The following ABCA13 variants were observed in gnomAD, a reference collection of about 807,000 sequenced individuals.
The protein encoded by ABCA13 is ATP-binding cassette sub-family A member 13.
A neutral mutation model predicts 478.7 loss-of-function variants in ABCA13; 476 were observed. That is an observed-to-expected ratio of 0.99 (90% CI 0.92 to 1.07). ABCA13 has a LOEUF of 1.07. Ranked by LOEUF, ABCA13 falls within the 50% of genes least tolerant of loss-of-function variation. ABCA13 has a pLI of 0.00. For synonymous variants in ABCA13, 2,252 were observed against 2,158.9 expected (o/e 1.04, Z -1.20); for missense variants, 6,060 against 5,910.6 (o/e 1.03, Z -0.83).
chr7:48,330,477 A>ATCCATCCG (rs1356478120), intron 27 of ABCA13, among the ~76,000 whole-genome samples: 1 of 128,408 alleles, frequency 7.8e-6, no homozygotes, highest in African/African-American at 3.0e-5. Flanking sequence ...CTGTTTGTCC[A>ATCCATCCG]TCCATCCGTC....
chr7:48,264,320 T>C (rs1035545583), intron 15 of ABCA13, among the ~76,000 whole-genome samples: 4 of 151,932 alleles, frequency 2.6e-5, no homozygotes, highest in Admixed American at 6.6e-5. Flanking sequence ...GTTTTGATTA[T>C]GTGGGAGTTG....
intron 23 of ABCA13, among the ~76,000 whole-genome samples, chr7:48,299,121 A>T (rs1393565984): frequency 6.6e-6 from 1 of 152,196 alleles, no homozygotes; most frequent in Non-Finnish European, 1.5e-5. Flanking sequence ...TCCACAGCAG[A>T]TATCACCTGG....
chr7:48,414,303 G>A (rs6966506), intron 41 of ABCA13, among the ~76,000 whole-genome samples: 29,571 of 151,804 alleles, frequency 0.19, 3,271 homozygotes, highest in East Asian at 0.23. Context: ...GCTTTTCTTC[G>A]TGACACTTCT....
At chr7:48,620,126 TGAGGAGGAG>T (rs931227713) in intron 59 of ABCA13, among the ~76,000 whole-genome samples, 4 of 151,904 alleles carry the variant, frequency 2.6e-5, no homozygotes, top group African/African-American at 9.7e-5. Context: ...CATGGAGCTC[TGAGGAGGAG>T]GAGGAGGAGG....
intron 59 of ABCA13, among the ~76,000 whole-genome samples, chr7:48,633,527 A>C (rs982322314): frequency 2.6e-5 from 4 of 152,142 alleles, no homozygotes; most frequent in African/African-American, 9.7e-5. Context: ...CTCAGCCATA[A>C]AGCCAGTCTC....
At position 48,552,578 on chromosome 7, in the gene ABCA13, C is replaced by T. The variant is rs1373931455; in HGVS notation, c.14354+24233C>T. Among the ~76,000 whole-genome samples, 7 of 146,266 alleles carry T rather than the reference C, an allele frequency of 4.8e-5. 1 individual carries two copies. Among genetic ancestry groups the T allele is most frequent in the East Asian group, 2.0e-4 (1 of 5,058 alleles). On this transcript the variant is annotated intron_variant, in intron 55 of 61. Transcript: ENST00000435803. ...TCCTTTGTATTGTAGGAGCATTGTT[C>T]CTCACCTTTGTTGCCTTTTTTTTTT...
intron 44 of ABCA13, among the ~76,000 whole-genome samples, chr7:48,470,331 A>C (rs1827345013): frequency 6.6e-6 from 1 of 152,202 alleles, no homozygotes; most frequent in Non-Finnish European, 1.5e-5. Context: ...GAGAAGAATA[A>C]GGGAGGATTT....
rs779551793 is a variant in ABCA13, at chr7:48,317,258, A to T, written c.9961A>T (p.Thr3321Ser). 1 of 1,613,624 alleles carries T rather than the reference A, an allele frequency of 6.2e-7. No individual in the cohort carries two copies. The highest frequency in any genetic ancestry group is 8.5e-7 in the Non-Finnish European group (1 of 1,179,832). The change falls in exon 27 of 62, where the codon ACA (threonine) becomes TCA (serine). Residue 3321 changes from threonine (T) to serine (S), a missense_variant. This residue lies in a region of ABCA13 where 4,423 missense variants were observed against 4,309.1 expected (regional missense o/e 1.03). Transcript: ENST00000435803. ...CATATTGCATGGAAAAATACTATAC[A>T]CACCAAACACTCCAGAAATTAACAA... ...KPILHGKILY[T>S]PNTPEINKVI... is the part of the protein sequence containing the mutation.
intron 31 of ABCA13, among the ~76,000 whole-genome samples, chr7:48,364,049 C>T (rs1459084340): frequency 6.6e-6 from 1 of 152,030 alleles, no homozygotes; most frequent in Non-Finnish European, 1.5e-5. Context: ...GTGATTGTTA[C>T]TCATCTGGAA....
chr7:48,632,604 G>A (rs1794258364), intron 59 of ABCA13, among the ~76,000 whole-genome samples: 1 of 152,014 alleles, frequency 6.6e-6, no homozygotes, highest in South Asian at 2.1e-4. Context: ...TTAACTGTGT[G>A]TGAGGTAGGG....
chr7:48,577,330 T>G lies in ABCA13; in HGVS notation c.14355-2894T>G, dbSNP rs533599587. ...AATTAAAAGATGAAATAAATAAAAT[T>G]GATAAACTCCTAGTGAGATTATCCA... On this transcript the variant is annotated intron_variant, in intron 55 of 61. Coordinates refer to ENST00000435803, the MANE Select transcript of ABCA13 (RefSeq NM_152701.5). 2.0e-5 allele frequency among the ~76,000 whole-genome samples: 3 copies of G among 151,840 alleles called. No homozygotes were observed. The East Asian group carries it at 5.8e-4, about 29-fold the overall frequency.
At chr7:48,265,018 A>G (rs1287213059) in intron 15 of ABCA13, among the ~76,000 whole-genome samples, 1 of 151,612 alleles carries the variant, frequency 6.6e-6, no homozygotes, top group African/African-American at 2.4e-5. Flanking sequence ...GGACCTAATT[A>G]CTCCAGCAAA....
At position 48,275,821 on chromosome 7, in the gene ABCA13, CT is replaced by C. The variant is rs1288895417; in HGVS notation, c.6157del (p.Tyr2053ThrfsTer14). 9.3e-6 allele frequency: 15 copies of C among 1,612,680 alleles called. No individual in the cohort carries two copies. Among genetic ancestry groups the C allele is most frequent in the Non-Finnish European group, 1.1e-5 (13 of 1,179,492 alleles). ...LSSFIEKSET[P>X]YNFEELWPKF... ...AGTTTTATTGAAAAAAGTGAAACAC[CT>C]TACAACTTTGAAGAACTATGGCCCA... On this transcript the variant is annotated frameshift_variant, in exon 17 of 62. Coordinates refer to ENST00000435803, the MANE Select transcript of ABCA13 (RefSeq NM_152701.5). LOFTEE classifies it high-confidence loss of function.
In ABCA13 at chr7:48,376,534, AT is replaced by A; in HGVS notation, c.11303del (p.Leu3768CysfsTer6). The A allele has an allele frequency of 6.2e-7, 1 of 1,613,850 alleles. No homozygotes were observed. The highest frequency in any genetic ancestry group is 2.2e-5 in the East Asian group (1 of 44,850). ...ATGATTCTTTTTGATTCAAGCCTTT[AT>A]TTTTTGTGTGGATGGTACTTGAGCA... ...CWMILFDSSL[Y>X]FLCGWYLSNL... On this transcript the variant is annotated frameshift_variant, in exon 35 of 62. Coordinates refer to ENST00000435803, the MANE Select transcript of ABCA13 (RefSeq NM_152701.5). LOFTEE classifies it high-confidence loss of function.
chr7:48,538,611 T>C (rs1833755439), intron 55 of ABCA13, among the ~76,000 whole-genome samples: 1 of 152,206 alleles, frequency 6.6e-6, no homozygotes, highest in Non-Finnish European at 1.5e-5. Flanking sequence ...TTTGCATCTT[T>C]TTTGTTTTTA....
intron 58 of ABCA13, among the ~76,000 whole-genome samples, chr7:48,614,989 A>G (rs187514126): frequency 0.12 from 18,515 of 150,150 alleles, 1,859 homozygotes; most frequent in Admixed American, 0.24. Flanking sequence ...TACATATGTA[A>G]CAAACCTGCA....
intron 39 of ABCA13, among the ~76,000 whole-genome samples, chr7:48,407,588 G>C (rs1394213211): frequency 1.3e-5 from 2 of 151,754 alleles, no homozygotes; most frequent in African/African-American, 2.4e-5. Context: ...ATGGAGTCTT[G>C]CTCTGTCTCT....
rs191852099 is a variant in ABCA13, at chr7:48,242,161, C to T, written c.1262+1095C>T. ...TTAATAGAAACACCACATTAAGTCA[C>T]CGTAATTATCCTACAAATCTCGAAT... On this transcript the variant is annotated intron_variant, in intron 10 of 61. Transcript: ENST00000435803. Among the ~76,000 whole-genome samples the T allele has an allele frequency of 1.3e-4, 20 of 152,094 alleles. No individual in the cohort carries two copies. The East Asian group carries it at 3.5e-3, about 26-fold the overall frequency.
intron 23 of ABCA13, among the ~76,000 whole-genome samples, chr7:48,309,341 A>G (rs1236538933): frequency 6.6e-6 from 1 of 152,100 alleles, no homozygotes; most frequent in East Asian, 1.9e-4. Context: ...CCTTAACTGA[A>G]AAGCATACCC....
Sources: allele counts gnomAD v4.1 joint callset (sites outside exome capture counted in the v4.1 genomes callset), GRCh38; gene constraint gnomAD v4.1.1; regional missense constraint gnomAD v4.1.1; transcripts MANE v1.5; gene names NCBI Gene and HGNC (gene_info 2026-07-23, HGNC 2026-07-21).